ITFG1: variants seen among roughly 807,000 people sequenced by gnomAD.
ITFG1 encodes integrin alpha FG-GAP repeat containing 1.
ITFG1 carries 34 observed loss-of-function variants against 81.8 expected under a neutral mutation model. The ratio of observed to expected loss-of-function variants is 0.42; its 90% CI spans 0.32 to 0.55. The LOEUF (loss-of-function observed/expected upper bound fraction) is 0.55, where lower values mean the gene tolerates loss of function less well. Ranked by LOEUF, ITFG1 falls within the 20% of genes least tolerant of loss-of-function variation. The pLI, the probability that ITFG1 is intolerant of heterozygous loss-of-function variation, is 0.17. For missense variants in ITFG1, 672 were observed against 755.4 expected (o/e 0.89, Z 1.29); for synonymous variants, 285 against 270.6 (o/e 1.05, Z -0.52).
chr16:47,251,888 C>A (rs184875112), intron 12 of ITFG1, among the ~76,000 whole-genome samples: 64 of 152,278 alleles, frequency 4.2e-4, no homozygotes, highest in African/African-American at 1.5e-3. Context: ...GTACTCACAT[C>A]TTTTCAGAAT....
chr16:47,305,699 T>C (rs567477293), intron 10 of ITFG1, among the ~76,000 whole-genome samples: 3 of 152,292 alleles, frequency 2.0e-5, no homozygotes, highest in East Asian at 1.9e-4. Context: ...CAAAAGTGAA[T>C]ATCAGAATTT....
At chr16:47,301,253 C>A (rs899434256) in intron 10 of ITFG1, among the ~76,000 whole-genome samples, 1 of 151,940 alleles carries the variant, frequency 6.6e-6, no homozygotes, top group African/African-American at 2.4e-5. Flanking sequence ...AGACAATGGA[C>A]TAAAAACTAG....
intron 8 of ITFG1, among the ~76,000 whole-genome samples, chr16:47,348,704 A>G (rs1967899257): frequency 6.6e-6 from 1 of 152,196 alleles, no homozygotes; most frequent in African/African-American, 2.4e-5. Context: ...CAGGAAATAC[A>G]GAGAACACCA....
chr16:47,322,065 C>G (rs986118358), intron 8 of ITFG1, among the ~76,000 whole-genome samples: 1 of 152,070 alleles, frequency 6.6e-6, no homozygotes, highest in Non-Finnish European at 1.5e-5. Context: ...AAATAGCATA[C>G]AGGTTGATTT....
In ITFG1 at chr16:47,452,808, A is replaced by G; in HGVS notation, c.428-18T>C. 1 of 1,325,356 alleles carries G rather than the reference A, an allele frequency of 7.5e-7. No homozygotes were observed. Among genetic ancestry groups the G allele is most frequent in the Non-Finnish European group, 1.0e-6 (1 of 957,482 alleles). 82.1% of individuals were successfully genotyped at this position (1,325,356 alleles called of 1,614,324 possible). A position where few individuals can be genotyped will look rare whatever the true frequency, so the allele number is the denominator to read the frequency against. ...GTTAGGATCTGCAAAAAAGATATAT[A>G]TATATATGAATTAGCAGGCATTTTA... On this transcript the variant is annotated intron_variant, in intron 3 of 17. Coordinates refer to ENST00000320640, the MANE Select transcript of ITFG1 (RefSeq NM_030790.5).
At chr16:47,159,133 T>C in intron 16 of ITFG1, 143 bp from the exon 17 acceptor site, 1 of 415,908 alleles carries the variant, frequency 2.4e-6, no homozygotes, top group Admixed American at 4.3e-5. Flanking sequence ...CCATTCATTA[T>C]AAATAAAACA....
At chr16:47,282,052 T>C (rs989384721) in intron 10 of ITFG1, among the ~76,000 whole-genome samples, 20 of 151,678 alleles carry the variant, frequency 1.3e-4, no homozygotes, top group Admixed American at 6.6e-4. Context: ...TTAATAGTTA[T>C]ACAATGTAAT....
chr16:47,437,460 T>C (rs1206787451), intron 5 of ITFG1, among the ~76,000 whole-genome samples: 4 of 139,184 alleles, frequency 2.9e-5, no homozygotes, highest in Non-Finnish European at 6.1e-5. Flanking sequence ...AGAGTGAGAG[T>C]CCATCTCCTG....
At chr16:47,246,205 A>C (rs1273413682) in intron 12 of ITFG1, among the ~76,000 whole-genome samples, 2 of 152,186 alleles carry the variant, frequency 1.3e-5, no homozygotes, top group African/African-American at 4.8e-5. Flanking sequence ...TTGTTTTTTC[A>C]CAAGACCTCC....
chr16:47,210,482 T>A (rs891092446), intron 14 of ITFG1, among the ~76,000 whole-genome samples: 4 of 152,188 alleles, frequency 2.6e-5, no homozygotes, highest in Non-Finnish European at 4.4e-5. Context: ...TGTCTTTTCA[T>A]CCTCTTATCA....
intron 12 of ITFG1, among the ~76,000 whole-genome samples, chr16:47,247,599 T>G (rs944719080): frequency 6.6e-6 from 1 of 152,208 alleles, no homozygotes; most frequent in Non-Finnish European, 1.5e-5. Flanking sequence ...ATGAAAGATG[T>G]GATCATGGGC....
chr16:47,249,886 GTAA>G (rs1966049032), intron 12 of ITFG1, among the ~76,000 whole-genome samples: 1 of 152,168 alleles, frequency 6.6e-6, no homozygotes, highest in African/African-American at 2.4e-5. Flanking sequence ...CATAAATACT[GTAA>G]CACTAAGCCA....
intron 8 of ITFG1, among the ~76,000 whole-genome samples, chr16:47,315,504 C>T (rs1489442855): frequency 6.6e-6 from 1 of 152,096 alleles, no homozygotes; most frequent in East Asian, 1.9e-4. Flanking sequence ...TGACAAAATG[C>T]TCATATTAGA....
chr16:47,249,565 T>C (rs772168264), intron 12 of ITFG1, among the ~76,000 whole-genome samples: 1 of 152,176 alleles, frequency 6.6e-6, no homozygotes, highest in East Asian at 1.9e-4. Flanking sequence ...TAAAAAAATA[T>C]GAAAACAGCC....
At chr16:47,390,873 T>C (rs1357497184) in intron 6 of ITFG1, among the ~76,000 whole-genome samples, 1 of 152,190 alleles carries the variant, frequency 6.6e-6, no homozygotes, top group Non-Finnish European at 1.5e-5. Flanking sequence ...TGAATATAAC[T>C]GCATATAATA....
chr16:47,178,946 CATTT>C (rs199828410), intron 14 of ITFG1, among the ~76,000 whole-genome samples: 2 of 152,290 alleles, frequency 1.3e-5, no homozygotes, highest in East Asian at 1.9e-4. Flanking sequence ...CAAAAGAAGA[CATTT>C]ATACAGCCAA....
intron 10 of ITFG1, among the ~76,000 whole-genome samples, chr16:47,308,297 G>A (rs1050175510): frequency 2.0e-5 from 3 of 152,074 alleles, no homozygotes; most frequent in Non-Finnish European, 4.4e-5. Flanking sequence ...CAGCCTCACC[G>A]GCATCTCTAC....
At chr16:47,269,486 T>TA (rs76159288) in intron 10 of ITFG1, among the ~76,000 whole-genome samples, 8,943 of 100,910 alleles carry the variant, frequency 0.089, 840 homozygotes, top group African/African-American at 0.24. Context: ...CTGTCTCTAT[T>TA]AAAAAAAAAA....
At chr16:47,296,637 T>C (rs1023164794) in intron 10 of ITFG1, among the ~76,000 whole-genome samples, 1 of 152,192 alleles carries the variant, frequency 6.6e-6, no homozygotes, top group Admixed American at 6.5e-5. Flanking sequence ...GGTTTCGCCA[T>C]GTTGGTCAGG....
Sources: allele counts gnomAD v4.1 joint callset (sites outside exome capture counted in the v4.1 genomes callset), GRCh38; gene constraint gnomAD v4.1.1; transcripts MANE v1.5; gene names NCBI Gene and HGNC (gene_info 2026-07-23, HGNC 2026-07-21).